Variants in GOLPH3L observed in about 807,000 individuals in gnomAD.
GOLPH3L encodes Golgi phosphoprotein 3-like.
GOLPH3L carries 22 observed loss-of-function variants against 30.3 expected under a neutral mutation model. The observed-to-expected ratio is 0.73, with a 90% CI of 0.52 to 1.04. The LOEUF is 1.04. Among genes scored for constraint, GOLPH3L ranks in the 50% least tolerant of loss-of-function variants. The pLI is 0.00. For missense variants in GOLPH3L, 303 were observed against 345.8 expected (o/e 0.88, Z 0.98); for synonymous variants, 120 against 128.2 (o/e 0.94, Z 0.43).
rs761241189 is a variant in GOLPH3L at position 150,661,848 on chromosome 1, T to C, written c.396A>G (p.Thr132=). 2 of 1,576,364 alleles carry C rather than the reference T, an allele frequency of 1.3e-6. No individual in the cohort carries two copies. The highest frequency in any genetic ancestry group is 1.7e-6 in the Non-Finnish European group (2 of 1,145,442). Residue 132 remains threonine, a synonymous_variant, in exon 4 of 5, where the codon ACA becomes ACG. Transcript: ENST00000271732. ...GCTCTATCCATGTTTGGACAGTTTCTGTGGGTTCAGTTGCTTTGATGTGTT... is the reference window on the plus strand; with the variant it reads ...GCTCTATCCATGTTTGGACAGTTTCCGTGGGTTCAGTTGCTTTGATGTGTT... The part of the protein sequence containing the change: ...TLKHIKATEP[T]ETVQTWIELL...
chr1:150,656,449 C>A (rs1048881760), intron 4 of GOLPH3L, among the ~76,000 whole-genome samples: 2 of 152,102 alleles, frequency 1.3e-5, no homozygotes, highest in Non-Finnish European at 2.9e-5. Flanking sequence ...CACTAGCCCT[C>A]GGCAATTAAC....
At chr1:150,678,705 G>A (rs1163607905) in intron 2 of GOLPH3L, among the ~76,000 whole-genome samples, 3 of 152,164 alleles carry the variant, frequency 2.0e-5, no homozygotes, top group African/African-American at 7.2e-5. Context: ...TTGGCGGGGT[G>A]CGGTGGCTCA....
At chr1:150,689,023 C>T (rs1651151977) in intron 2 of GOLPH3L, among the ~76,000 whole-genome samples, 2 of 152,214 alleles carry the variant, frequency 1.3e-5, no homozygotes, top group Admixed American at 1.3e-4. Context: ...TTTTTGTTCT[C>T]TCTTTCTATG....
chr1:150,657,607 C>T (rs587768662), intron 4 of GOLPH3L, among the ~76,000 whole-genome samples: 5 of 152,356 alleles, frequency 3.3e-5, no homozygotes, highest in Non-Finnish European at 7.3e-5. Context: ...CTGTGTTAAA[C>T]GTCACCTTTT....
chr1:150,679,848 T>C (rs1299525684), intron 2 of GOLPH3L, among the ~76,000 whole-genome samples: 1 of 151,898 alleles, frequency 6.6e-6, no homozygotes, highest in African/African-American at 2.4e-5. Context: ...CTCATGTCTG[T>C]AATCTCCACA....
chr1:150,650,552 C>T (rs976579108), intron 4 of GOLPH3L, among the ~76,000 whole-genome samples: 2 of 152,154 alleles, frequency 1.3e-5, no homozygotes, highest in Non-Finnish European at 2.9e-5. Context: ...AGCTCTGCCT[C>T]CCATCAGATC....
At chr1:150,657,498 CAT>C (rs1005632452) in intron 4 of GOLPH3L, among the ~76,000 whole-genome samples, 6 of 152,224 alleles carry the variant, frequency 3.9e-5, no homozygotes, top group African/African-American at 1.4e-4. Flanking sequence ...GGATGTCACA[CAT>C]GTTCCCTCAT....
intron 2 of GOLPH3L, among the ~76,000 whole-genome samples, chr1:150,675,047 A>G (rs1371903796): frequency 6.7e-6 from 1 of 148,536 alleles, no homozygotes; most frequent in Non-Finnish European, 1.5e-5. Flanking sequence ...CTGGCTAATT[A>G]AAAAAAAAAA....
intron 4 of GOLPH3L, among the ~76,000 whole-genome samples, chr1:150,649,069 T>C (rs1351371027): frequency 6.6e-6 from 1 of 152,214 alleles, no homozygotes; most frequent in Non-Finnish European, 1.5e-5. Flanking sequence ...CCCAGATGAT[T>C]TCTACTCTAT....
chr1:150,685,585 G>A (rs1651063356), intron 2 of GOLPH3L, among the ~76,000 whole-genome samples: 1 of 151,962 alleles, frequency 6.6e-6, no homozygotes, highest in African/African-American at 2.4e-5. Flanking sequence ...GTGGTGGCAT[G>A]CACCTTATAG....
At chr1:150,648,864 A>C (rs1403105669) in intron 4 of GOLPH3L, 116 bp from the exon 5 acceptor site, 4 of 663,668 alleles carry the variant, frequency 6.0e-6, no homozygotes, top group Non-Finnish European at 1.1e-5. Context: ...TTCATTCCTC[A>C]ATTCATTTAA....
chr1:150,647,730 T>A lies in GOLPH3L; in HGVS notation c.*591A>T, dbSNP rs1257459029. 6.6e-6 allele frequency: 1 copy of A among 152,668 alleles called. No individual in the cohort carries two copies. The highest frequency in any genetic ancestry group is 2.4e-5 in the African/African-American group (1 of 41,454). 9.5% of individuals were successfully genotyped at this position (152,668 alleles called of 1,614,324 possible). On this transcript the variant is annotated 3_prime_UTR_variant, in exon 5 of 5. Transcript: ENST00000271732. The stretch of plus-strand genomic sequence containing the variant: ...CTCTAGGACTTTGACATCCAGGTAA[T>A]TGAATCTGGGACATTCTCATTAGGT...
At chr1:150,683,973 C>T (rs1033268380) in intron 2 of GOLPH3L, among the ~76,000 whole-genome samples, 1 of 152,082 alleles carries the variant, frequency 6.6e-6, no homozygotes, top group Non-Finnish European at 1.5e-5. Context: ...CAGAATACAT[C>T]TGTCTTTGAA....
chr1:150,663,921 A>G (rs587709000), intron 2 of GOLPH3L, among the ~76,000 whole-genome samples, 158 bp from the exon 3 acceptor site: 1 of 152,272 alleles, frequency 6.6e-6, no homozygotes, highest in South Asian at 2.1e-4. Flanking sequence ...ATCCTCTTAA[A>G]CACCCCCAAA....
At chr1:150,678,298 A>AAG (rs1650866888) in intron 2 of GOLPH3L, among the ~76,000 whole-genome samples, 1 of 150,718 alleles carries the variant, frequency 6.6e-6, no homozygotes, top group Non-Finnish European at 1.5e-5. Flanking sequence ...AAAAAAAAAA[A>AAG]AAAAAAAAAG....
At chr1:150,649,653 T>A (rs931168893) in intron 4 of GOLPH3L, among the ~76,000 whole-genome samples, 3 of 152,026 alleles carry the variant, frequency 2.0e-5, no homozygotes, top group Admixed American at 6.6e-5. Flanking sequence ...CTGCACCCAC[T>A]CAGGAGCAAT....
chr1:150,684,356 T>C (rs1175724189), intron 2 of GOLPH3L, among the ~76,000 whole-genome samples: 1 of 152,222 alleles, frequency 6.6e-6, no homozygotes, highest in Admixed American at 6.5e-5. Context: ...TAATGTTTTA[T>C]TTATTTTTAG....
At chr1:150,664,788 C>A (rs932035172) in intron 2 of GOLPH3L, among the ~76,000 whole-genome samples, 1 of 152,050 alleles carries the variant, frequency 6.6e-6, no homozygotes, top group Non-Finnish European at 1.5e-5. Flanking sequence ...ATAATAGAAA[C>A]CCACTGTCAT....
In GOLPH3L at chr1:150,682,623, CAAAAAAAAAAA is replaced by C. The variant is rs145118551; in HGVS notation, c.183+12022_183+12032del. Among the ~76,000 whole-genome samples, 34 of 50,316 alleles carry C rather than the reference CAAAAAAAAAAA, an allele frequency of 6.8e-4. 1 individual carries two copies. In the South Asian group the frequency reaches 9.5e-3, roughly 14 times the overall value. 33.0% of individuals were successfully genotyped at this position (50,316 alleles called of 152,430 possible). A position where few individuals can be genotyped will look rare whatever the true frequency, so the allele number is the denominator to read the frequency against. ...CCAGTCTTGGTGACAGACTCTTTCT[CAAAAAAAAAAA>C]AAAAAAAAAAAAAAAAAAGTGTTCT... On this transcript the variant is annotated intron_variant, in intron 2 of 4. Coordinates refer to ENST00000271732, the MANE Select transcript of GOLPH3L (RefSeq NM_018178.6).
Sources: allele counts gnomAD v4.1 joint callset (sites outside exome capture counted in the v4.1 genomes callset), GRCh38; gene constraint gnomAD v4.1.1; transcripts MANE v1.5; gene names NCBI Gene and HGNC (gene_info 2026-07-23, HGNC 2026-07-21).